SMPD3: variants seen among roughly 807,000 people sequenced by gnomAD.
The protein encoded by SMPD3 is nSMase-2.
In SMPD3, 21 loss-of-function variants were observed where a neutral mutation model predicts 55.7. The observed-to-expected ratio is 0.38, with a 90% confidence interval of 0.27 to 0.54. The LOEUF is 0.54. Ranked by LOEUF, SMPD3 falls within the 20% of genes least tolerant of loss-of-function variation. The pLI, the probability that SMPD3 is intolerant of heterozygous loss-of-function variation, is 0.80. For synonymous variants in SMPD3, 457 were observed against 404.3 expected, an observed-to-expected ratio of 1.13 and a Z score of -1.56; for missense variants, 842 against 899.6, an observed-to-expected ratio of 0.94 and a Z score of 0.82.
At chr16:68,366,149 AGTT>A (rs2089472094) in intron 3 of SMPD3, among the ~76,000 whole-genome samples, 1 of 152,204 alleles carries the variant, frequency 6.6e-6, no homozygotes, top group African/African-American at 2.4e-5. Flanking sequence ...TGCCTCTCCC[AGTT>A]GTTGGCTGAG....
intron 3 of SMPD3, among the ~76,000 whole-genome samples, chr16:68,366,512 T>C (rs1248271567): frequency 6.6e-6 from 1 of 152,214 alleles, no homozygotes; most frequent in East Asian, 1.9e-4. Flanking sequence ...CTCTGTGAGA[T>C]CACGCAGCAT....
intron 1 of SMPD3, among the ~76,000 whole-genome samples, chr16:68,430,472 A>C (rs2090470794): frequency 6.6e-6 from 1 of 152,242 alleles, no homozygotes; most frequent in East Asian, 1.9e-4. Context: ...CATGACAGCT[A>C]TTTTGGGTCA....
intron 1 of SMPD3, among the ~76,000 whole-genome samples, chr16:68,401,297 T>G (rs1228163839): frequency 1.3e-5 from 2 of 152,184 alleles, no homozygotes; most frequent in East Asian, 3.8e-4. Flanking sequence ...AACATGTAGC[T>G]GACGCATTTG....
At chr16:68,389,479 G>A (rs1236987120) in intron 1 of SMPD3, among the ~76,000 whole-genome samples, 3 of 152,228 alleles carry the variant, frequency 2.0e-5, no homozygotes, top group Non-Finnish European at 2.9e-5. Flanking sequence ...CCTGTTCCCT[G>A]GGGCCTCTCT....
chr16:68,425,374 T>G (rs186629146), intron 1 of SMPD3, among the ~76,000 whole-genome samples: 5 of 152,196 alleles, frequency 3.3e-5, no homozygotes, highest in Admixed American at 3.3e-4. Context: ...GAGCCCTGCA[T>G]GCCAAGAGGG....
intron 2 of SMPD3, among the ~76,000 whole-genome samples, chr16:68,377,886 A>T (rs964560149): frequency 6.6e-6 from 1 of 152,220 alleles, no homozygotes; most frequent in Admixed American, 6.5e-5. Flanking sequence ...TTCTGCTGGT[A>T]AGGCAAGCCC....
At chr16:68,432,164 A>C (rs2090485775) in intron 1 of SMPD3, among the ~76,000 whole-genome samples, 2 of 152,148 alleles carry the variant, frequency 1.3e-5, no homozygotes, top group South Asian at 4.1e-4. Flanking sequence ...TCTTTACAAT[A>C]ATCCTTTATG....
intron 1 of SMPD3, among the ~76,000 whole-genome samples, chr16:68,434,756 G>A (rs757244830): frequency 1.3e-5 from 2 of 152,124 alleles, no homozygotes; most frequent in Non-Finnish European, 2.9e-5. Context: ...CCACTGATCC[G>A]CGTTCTATTG....
intron 3 of SMPD3, among the ~76,000 whole-genome samples, chr16:68,367,106 T>A (rs1457828340): frequency 6.6e-6 from 1 of 151,902 alleles, no homozygotes; most frequent in Non-Finnish European, 1.5e-5. Context: ...GGGCGGAGGT[T>A]GCAGTGAGCC....
Position 68,361,238 on chromosome 16 carries a change from G to A in SMPD3, c.1936C>T (p.Leu646=). The A allele has an allele frequency of 6.2e-7, 1 of 1,613,992 alleles. No homozygotes were observed. The highest frequency in any genetic ancestry group is 8.5e-7 in the Non-Finnish European group (1 of 1,179,980). The part of the protein sequence containing the change: ...LTDHLPVAMR[L]MVSSGEEEA ...TCCTCCTCCCCCGAAGACACCATCA[G>A]TCGCATGGCTACTGGCAGGTGGTCC... The change falls in exon 9 of 9, where the codon CTG becomes TTG. Residue 646 remains leucine (L), a synonymous_variant. Transcript: ENST00000219334.
chr16:68,375,075 C>G (rs1458132086), intron 2 of SMPD3, among the ~76,000 whole-genome samples: 1 of 152,226 alleles, frequency 6.6e-6, no homozygotes, highest in East Asian at 1.9e-4. Flanking sequence ...ACCAGCCCAG[C>G]CTGGCCAGCA....
chr16:68,361,910 A>G (rs1408951626), intron 7 of SMPD3, 151 bp from the exon 8 acceptor site: 3 of 1,216,384 alleles, frequency 2.5e-6, no homozygotes, highest in South Asian at 1.6e-5. Flanking sequence ...TGCGGGTCCA[A>G]AAAGGGCCTC....
chr16:68,362,651 A>T (rs1332653117), intron 7 of SMPD3, among the ~76,000 whole-genome samples: 1 of 152,244 alleles, frequency 6.6e-6, no homozygotes, highest in Non-Finnish European at 1.5e-5. Flanking sequence ...GCACCCGGCG[A>T]GGCAGGGCCT....
At chr16:68,401,337 C>T (rs1368459129) in intron 1 of SMPD3, among the ~76,000 whole-genome samples, 1 of 152,144 alleles carries the variant, frequency 6.6e-6, no homozygotes, top group Non-Finnish European at 1.5e-5. Context: ...TGGAGGTTTT[C>T]TGAGCCAATT....
intron 1 of SMPD3, among the ~76,000 whole-genome samples, chr16:68,402,723 G>C (rs544713336): frequency 1.5e-3 from 227 of 152,254 alleles, no homozygotes; most frequent in Non-Finnish European, 2.2e-3. Flanking sequence ...AAGGTTCTAC[G>C]GAATCAAGGT....
intron 1 of SMPD3, among the ~76,000 whole-genome samples, chr16:68,445,731 T>C (rs1053622774): frequency 2.0e-5 from 3 of 152,222 alleles, no homozygotes; most frequent in Non-Finnish European, 4.4e-5. Flanking sequence ...CATTGTGTAG[T>C]ACTTGCTCTT....
At chr16:68,439,354 C>T (rs73551972) in intron 1 of SMPD3, among the ~76,000 whole-genome samples, 2,676 of 152,312 alleles carry the variant, frequency 0.018, 64 homozygotes, top group African/African-American at 0.06. Flanking sequence ...ACCCTGGTCT[C>T]CTCCTGGGGA....
chr16:68,406,407 C>T (rs2090254839), intron 1 of SMPD3, among the ~76,000 whole-genome samples: 1 of 152,172 alleles, frequency 6.6e-6, no homozygotes, highest in African/African-American at 2.4e-5. Context: ...CCTCCTCTTC[C>T]TTGGGGATGG....
At chr16:68,389,811 G>A (rs2152003837) in intron 1 of SMPD3, among the ~76,000 whole-genome samples, 1 of 152,302 alleles carries the variant, frequency 6.6e-6, no homozygotes, top group Middle Eastern at 3.4e-3. Flanking sequence ...TAGTGAAGGG[G>A]TTACCTTTAA....
Sources: allele counts gnomAD v4.1 joint callset (sites outside exome capture counted in the v4.1 genomes callset), GRCh38; gene constraint gnomAD v4.1.1; transcripts MANE v1.5; gene names NCBI Gene and HGNC (gene_info 2026-07-23, HGNC 2026-07-21).